Variants in ELL observed in about 807,000 individuals in gnomAD.
ELL encodes RNA polymerase II elongation factor ELL.
A neutral mutation model predicts 64.0 loss-of-function variants in ELL; 18 were observed. The ratio of observed to expected loss-of-function variants is 0.28; its 90% CI spans 0.19 to 0.42. The LOEUF (loss-of-function observed/expected upper bound fraction) is 0.42, where lower values mean the gene tolerates loss of function less well. ELL is among the 10% of genes least tolerant of loss of function. The pLI is 1.00. For missense variants in ELL, 797 were observed against 870.4 expected (o/e 0.92, Z 1.06); for synonymous variants, 399 against 376.2 (o/e 1.06, Z -0.70).
rs968945419 is a variant in ELL, at chr19:18,505,461, G to A, written c.135+16460C>T. 3.3e-5 allele frequency among the ~76,000 whole-genome samples: 5 copies of A among 152,168 alleles called. No homozygotes were observed. In the South Asian group the frequency reaches 6.2e-4, roughly 19 times the overall value. On this transcript the variant is annotated intron_variant, in intron 1 of 11. Transcript: ENST00000262809. ...AGGAAGGCAGGTGTGCAGAGCACTG[G>A]GCAGGGCCATAGTACCTGTGCCACA... is the stretch of plus-strand genomic sequence containing the variant.
chr19:18,507,078 ACTGG>A (rs1405861884), intron 1 of ELL, among the ~76,000 whole-genome samples: 1 of 152,218 alleles, frequency 6.6e-6, no homozygotes, highest in Non-Finnish European at 1.5e-5. Flanking sequence ...GGCTGCCAGC[ACTGG>A]CTGTCCCCTC....
chr19:18,499,460 C>A (rs1474347340), intron 1 of ELL, among the ~76,000 whole-genome samples: 1 of 152,132 alleles, frequency 6.6e-6, no homozygotes, highest in Non-Finnish European at 1.5e-5. Flanking sequence ...CTTCTAAATG[C>A]TGGAAATAAA....
At chr19:18,475,372 G>A (rs1020449527) in intron 1 of ELL, among the ~76,000 whole-genome samples, 5 of 152,212 alleles carry the variant, frequency 3.3e-5, no homozygotes, top group South Asian at 4.1e-4. Flanking sequence ...AAGTGTTGGC[G>A]AGGACCCAGA....
At chr19:18,502,012 G>C (rs958066986) in intron 1 of ELL, among the ~76,000 whole-genome samples, 1 of 152,152 alleles carries the variant, frequency 6.6e-6, no homozygotes, top group African/African-American at 2.4e-5. Flanking sequence ...GGAACCAGGC[G>C]TCACCCCCAG....
chr19:18,476,856 C>T (rs560512394), intron 1 of ELL, among the ~76,000 whole-genome samples: 4 of 152,282 alleles, frequency 2.6e-5, no homozygotes, highest in African/African-American at 7.2e-5. Flanking sequence ...AGACACAGGA[C>T]GCACCCAGCC....
intron 10 of ELL, chr19:18,446,002 C>T (rs2144884568): frequency 2.7e-6 from 1 of 375,250 alleles, no homozygotes; most frequent in East Asian, 5.1e-5. Flanking sequence ...TGTGAGAGGA[C>T]CCCAGGCGCT....
intron 1 of ELL, 41 bp downstream of exon 1, chr19:18,521,880 C>G (rs1359645332): frequency 1.9e-6 from 3 of 1,541,560 alleles, no homozygotes; most frequent in Non-Finnish European, 1.7e-6. Flanking sequence ...GGCCCGCGTC[C>G]GGACGTTCCC....
chr19:18,446,915 G>A (rs1974429481), intron 8 of ELL, 101 bp from the exon 9 acceptor site: 1 of 1,283,594 alleles, frequency 7.8e-7, no homozygotes, highest in African/African-American at 1.5e-5. Context: ...ACACTTTGCT[G>A]CTGGAGGGAC....
intron 4 of ELL, among the ~76,000 whole-genome samples, chr19:18,464,528 A>G (rs1974896356): frequency 6.6e-6 from 1 of 152,194 alleles, no homozygotes; most frequent in Non-Finnish European, 1.5e-5. Context: ...GACCAGGAAG[A>G]CCAACCCCTG....
At chr19:18,478,133 G>A (rs185202211) in intron 1 of ELL, among the ~76,000 whole-genome samples, 175 of 152,272 alleles carry the variant, frequency 1.1e-3, no homozygotes, top group African/African-American at 4.1e-3. Flanking sequence ...TGGTGGGGAC[G>A]CCTGACAGCA....
chr19:18,452,642 C>T (rs1453265353), intron 6 of ELL, among the ~76,000 whole-genome samples: 1 of 152,222 alleles, frequency 6.6e-6, no homozygotes, highest in Non-Finnish European at 1.5e-5. Flanking sequence ...AGGGCCATCC[C>T]CCACAGCTCT....
At position 18,501,824 on chromosome 19, in the gene ELL, T is replaced by A. The variant is rs557968663; in HGVS notation, c.135+20097A>T. Among the ~76,000 whole-genome samples, 23 of 152,250 alleles carry A rather than the reference T, an allele frequency of 1.5e-4. No homozygotes were observed. The highest frequency in any genetic ancestry group is 5.3e-4 in the African/African-American group (22 of 41,542). On this transcript the variant is annotated intron_variant, in intron 1 of 11. Coordinates refer to ENST00000262809, the MANE Select transcript of ELL (RefSeq NM_006532.4). This position sits in a 1 kb window ranked among gnomAD's most constrained non-coding sequence, Gnocchi z 4.5. ...CTCCCCCACATCCTCAACCTCCAGC[T>A]ACGTGTCTGCGGGTGGGCAGGAAGG...
In ELL at chr19:18,465,392, C is replaced by A; in HGVS notation, c.469+20G>T. ...GCAGCTGCCCGGCTGCCCTACAGCC[C>A]TGCCAAACCCACTGCTCACCCAGGT... On this transcript the variant is annotated intron_variant, in intron 4 of 11. Transcript: ENST00000262809. 1 of 1,579,010 alleles carries A rather than the reference C, an allele frequency of 6.3e-7. No homozygotes were observed.
intron 1 of ELL, among the ~76,000 whole-genome samples, chr19:18,489,057 G>A (rs1414652360): frequency 6.6e-6 from 1 of 152,184 alleles, no homozygotes; most frequent in Non-Finnish European, 1.5e-5. Flanking sequence ...GGAGGGAGCT[G>A]GAGTCTGAAA....
intron 2 of ELL, among the ~76,000 whole-genome samples, chr19:18,466,456 T>C (rs532631148): frequency 2.2e-4 from 33 of 152,286 alleles, no homozygotes; most frequent in African/African-American, 7.5e-4. Context: ...GTGAATCAGG[T>C]AGGCTTGTGT....
intron 5 of ELL, 120 bp from the exon 6 acceptor site, chr19:18,458,449 CAGAGG>C: frequency 6.8e-7 from 1 of 1,467,928 alleles, no homozygotes; most frequent in Non-Finnish European, 9.1e-7. Flanking sequence ...CAGACAGAGA[CAGAGG>C]AGAGGAAAGA....
At chr19:18,445,127 T>G in intron 11 of ELL, 97 bp downstream of exon 11, 3 of 1,533,180 alleles carry the variant, frequency 2.0e-6, no homozygotes, top group Non-Finnish European at 2.7e-6. Flanking sequence ...CCCCCACACC[T>G]TGGAAGTAGC....
chr19:18,516,065 T>C (rs1263895187), intron 1 of ELL, among the ~76,000 whole-genome samples: 1 of 152,058 alleles, frequency 6.6e-6, no homozygotes, highest in African/African-American at 2.4e-5. Context: ...GAAGCTGCCC[T>C]GCTCAGAACC....
intron 2 of ELL, among the ~76,000 whole-genome samples, chr19:18,467,550 A>G (rs1286132195): frequency 6.6e-6 from 1 of 151,850 alleles, no homozygotes; most frequent in Non-Finnish European, 1.5e-5. Context: ...TGCACTCAGC[A>G]TCGGAGAAAT....
Sources: allele counts gnomAD v4.1 joint callset (sites outside exome capture counted in the v4.1 genomes callset), GRCh38; gene constraint gnomAD v4.1.1; non-coding constraint Gnocchi (gnomAD v3.1); transcripts MANE v1.5; gene names NCBI Gene and HGNC (gene_info 2026-07-23, HGNC 2026-07-21).